The following OCA2 variants were observed in gnomAD, a reference collection of about 807,000 sequenced individuals.
OCA2 encodes OCA2 melanosomal transmembrane protein.
Under a neutral mutation model 100.2 loss-of-function variants are expected in OCA2, and 77 were observed. That is an observed-to-expected ratio of 0.77 (90% CI 0.64 to 0.93). OCA2 has a LOEUF of 0.93. Among genes scored for constraint, OCA2 ranks in the 40% least tolerant of loss-of-function variants. The pLI is 0.00. For missense variants in OCA2, 1,062 were observed against 1,089.1 expected (o/e 0.98, Z 0.35); for synonymous variants, 432 against 439.2 (o/e 0.98, Z 0.21).
chr15:27,752,602 C>G (rs1238659550), downstream of OCA2, among the ~76,000 whole-genome samples: 1 of 152,202 alleles, frequency 6.6e-6, no homozygotes, highest in Non-Finnish European at 1.5e-5. Flanking sequence ...TGCTTCCTGT[C>G]CCCTGGCTTC....
At position 28,014,831 on chromosome 15, in the gene OCA2, T is replaced by A; in HGVS notation, c.989A>T (p.Gln330Leu). The change falls in exon 9 of 24, where the codon CAG (glutamine) becomes CTG (leucine). Residue 330 changes from glutamine (Q) to leucine (L), a missense_variant. By Grantham distance (113) the Gln-to-Leu change is moderately radical (BLOSUM62 -2). Coordinates refer to ENST00000354638, the MANE Select transcript of OCA2 (RefSeq NM_000275.3). ...HQYLRGSVET[Q>L]VTIATAILAG... Reference sequence around the variant, plus strand: ...GAGGATGGCCGTCGCGATGGTCACCTGGGTTTCTACACTTCCGCGGAGGTA... The same window carrying A: ...GAGGATGGCCGTCGCGATGGTCACCAGGGTTTCTACACTTCCGCGGAGGTA... 6.2e-7 allele frequency: 1 copy of A among 1,614,062 alleles called. No homozygotes were observed.
chr15:27,844,932 G>A (rs2035475823), intron 23 of OCA2, 27 bp downstream of exon 23: 3 of 1,512,040 alleles, frequency 2.0e-6, no homozygotes, highest in East Asian at 2.3e-5. Context: ...CAGTTTAACA[G>A]AAAATTTAAA....
intron 19 of OCA2, among the ~76,000 whole-genome samples, chr15:27,872,533 G>A (rs974562546): frequency 3.9e-5 from 6 of 152,154 alleles, no homozygotes; most frequent in Admixed American, 2.6e-4. Flanking sequence ...GCTCACGACC[G>A]AGCCACTGTG....
At chr15:27,864,861 G>A (rs972344569) in intron 21 of OCA2, among the ~76,000 whole-genome samples, 1 of 151,970 alleles carries the variant, frequency 6.6e-6, no homozygotes, top group East Asian at 1.9e-4. Flanking sequence ...TTTCTCAGCG[G>A]TTCCAACTCG....
At chr15:27,994,825 C>T (rs1042955511) in intron 9 of OCA2, among the ~76,000 whole-genome samples, 2 of 152,178 alleles carry the variant, frequency 1.3e-5, no homozygotes, top group Non-Finnish European at 2.9e-5. Context: ...CACGCATCTG[C>T]CCCTCCATAG....
Position 27,755,141 on chromosome 15 carries a change from G to T in OCA2, c.*247C>A. On this transcript the variant is annotated 3_prime_UTR_variant, in exon 24 of 24. Transcript: ENST00000354638. ...ACGTATTTTTCTGGAGGGGAATCTT[G>T]AGTAAGTTATCTCACATCTTTCTAC... 2.1e-6 allele frequency: 1 copy of T among 474,696 alleles called. No homozygotes were observed. The highest frequency in any genetic ancestry group is 3.9e-6 in the Non-Finnish European group (1 of 256,736). 29.4% of individuals were successfully genotyped at this position (474,696 alleles called of 1,614,324 possible). A position where few individuals can be genotyped will look rare whatever the true frequency, so the allele number is the denominator to read the frequency against.
chr15:28,004,468 C>T (rs1414040387), intron 9 of OCA2, among the ~76,000 whole-genome samples: 1 of 152,196 alleles, frequency 6.6e-6, no homozygotes, highest in Non-Finnish European at 1.5e-5. Context: ...CCCGGACCGT[C>T]TGGCACACAC....
chr15:28,018,636 CTCT>C, intron 6 of OCA2, 79 bp from the exon 7 acceptor site: 2 of 1,336,396 alleles, frequency 1.5e-6, no homozygotes, highest in Non-Finnish European at 2.1e-6. Flanking sequence ...GCACACCCTC[CTCT>C]GACAGTGTGT....
intron 2 of OCA2, 125 bp from the exon 3 acceptor site, chr15:28,032,288 C>T: frequency 1.3e-6 from 1 of 797,702 alleles, no homozygotes; most frequent in Admixed American, 2.0e-5. Context: ...GGAAATTTGC[C>T]TAAGGGTCTG....
At chr15:27,816,064 G>A (rs904245446) in intron 23 of OCA2, among the ~76,000 whole-genome samples, 1 of 152,180 alleles carries the variant, frequency 6.6e-6, no homozygotes, top group Admixed American at 6.5e-5. Flanking sequence ...AACCTGGGAG[G>A]CGGAGGTTGC....
At chr15:28,094,805 A>AG (rs1304930094) in intron 1 of OCA2, among the ~76,000 whole-genome samples, 1 of 152,006 alleles carries the variant, frequency 6.6e-6, no homozygotes, top group African/African-American at 2.4e-5. Flanking sequence ...TGGCCTTCAG[A>AG]GCGCGCCAGA....
At chr15:27,719,426 G>T in the OCA2 span, among the ~76,000 whole-genome samples, 2 of 152,162 alleles carry the variant, frequency 1.3e-5, no homozygotes, top group African/African-American at 4.8e-5. Flanking sequence ...ATACCTAAAT[G>T]CTTTCCCACT....
At chr15:28,069,625 A>T (rs1211741953) in intron 2 of OCA2, among the ~76,000 whole-genome samples, 1 of 144,562 alleles carries the variant, frequency 6.9e-6, no homozygotes, top group Non-Finnish European at 1.5e-5. Context: ...GCCGGTCTCC[A>T]GCCCCTAACC....
chr15:27,772,066 C>A (rs1457237931), intron 23 of OCA2, among the ~76,000 whole-genome samples: 1 of 152,190 alleles, frequency 6.6e-6, no homozygotes, highest in African/African-American at 2.4e-5. Context: ...GCTGTGGTTC[C>A]CTGAGCTGAG....
chr15:27,920,755 A>G (rs1381659455), intron 19 of OCA2, among the ~76,000 whole-genome samples: 1 of 152,180 alleles, frequency 6.6e-6, no homozygotes, highest in Non-Finnish European at 1.5e-5. Context: ...ATTGAACAAT[A>G]CAAGTGAAAT....
chr15:27,812,083 T>C (rs1438790867), intron 23 of OCA2, among the ~76,000 whole-genome samples: 1 of 152,202 alleles, frequency 6.6e-6, no homozygotes, highest in Non-Finnish European at 1.5e-5. Context: ...GTGGAGTATA[T>C]TTGTTAGCTG....
the OCA2 span, among the ~76,000 whole-genome samples, chr15:27,738,145 C>T: frequency 6.6e-6 from 1 of 152,172 alleles, no homozygotes; most frequent in African/African-American, 2.4e-5. Flanking sequence ...AGAGAAATTT[C>T]ATTCCTAGAT....
intron 2 of OCA2, among the ~76,000 whole-genome samples, chr15:28,077,585 G>C (rs1005353886): frequency 3.3e-5 from 5 of 152,146 alleles, no homozygotes; most frequent in Admixed American, 6.5e-5. Context: ...CAAAGACAAG[G>C]GTTGAGGTGC....
intron 19 of OCA2, among the ~76,000 whole-genome samples, chr15:27,893,948 CT>C (rs1328060266): frequency 6.6e-6 from 1 of 152,062 alleles, no homozygotes; most frequent in African/African-American, 2.4e-5. Flanking sequence ...GCTTTTTGCT[CT>C]TTGATGCATG....
Sources: gnomAD v4.1 joint callset for allele counts (sites outside exome capture counted in the v4.1 genomes callset) on GRCh38, gnomAD v4.1.1 for gene constraint, MANE v1.5 for transcripts, NCBI Gene and HGNC (gene_info 2026-07-23, HGNC 2026-07-21) for gene names.